Variants in ESCO2 observed in about 807,000 individuals in gnomAD.
The protein encoded by ESCO2 is N-acetyltransferase ESCO2.
A neutral mutation model predicts 61.7 loss-of-function variants in ESCO2; 51 were observed. The ratio of observed to expected loss-of-function variants is 0.83; its 90% confidence interval spans 0.66 to 1.04. The LOEUF (loss-of-function observed/expected upper bound fraction) is 1.04, where lower values mean the gene tolerates loss of function less well. Among genes scored for constraint, ESCO2 ranks in the 50% least tolerant of loss-of-function variants. The pLI, the probability that ESCO2 is intolerant of heterozygous loss-of-function variation, is 0.00. For synonymous variants in ESCO2, 230 were observed against 238.2 expected (o/e 0.97, Z 0.32); for missense variants, 692 against 686.2 (o/e 1.01, Z -0.09).
At position 27,774,575 on chromosome 8, in the gene ESCO2, G is replaced by A. The variant is rs1344456521; in HGVS notation, c.-49G>A. 2.0e-5 allele frequency: 3 copies of A among 152,282 alleles called. No individual in the cohort carries two copies. The highest frequency in any genetic ancestry group is 7.2e-5 in the African/African-American group (3 of 41,394). The allele number at this position is 152,282 out of a possible 1,614,324, so 9.4% of individuals were successfully genotyped here. The stretch of plus-strand genomic sequence containing the variant: ...AGACGCTCACGGAGCGGCTGGCTAG[G>A]CTGAGGAGAGCTCGCCGGGCTCTGA... On this transcript the variant is annotated 5_prime_UTR_variant, in exon 1 of 11. Coordinates refer to ENST00000305188, the MANE Select transcript of ESCO2 (RefSeq NM_001017420.3).
Position 27,804,189 on chromosome 8 carries a change from A to T in ESCO2, c.*751A>T. Reference sequence around the variant, plus strand: ...TCTGTAGAGCAGAATTTGATAGCTTAGTGTTCAATCTTTTTGAAAATAAAT... The same window carrying T: ...TCTGTAGAGCAGAATTTGATAGCTTTGTGTTCAATCTTTTTGAAAATAAAT... On this transcript the variant is annotated 3_prime_UTR_variant, in exon 11 of 11. Transcript: ENST00000305188. 1 of 985,404 alleles carries T rather than the reference A, an allele frequency of 1.0e-6. No individual in the cohort carries two copies. Among genetic ancestry groups the T allele is most frequent in the African/African-American group, 1.7e-5 (1 of 57,380 alleles). The allele number at this position is 985,404 out of a possible 1,614,324, so 61.0% of individuals were successfully genotyped here. A position where few individuals can be genotyped will look rare whatever the true frequency, so the allele number is the denominator to read the frequency against.
chr8:27,787,762 C>A (rs1805078555), intron 5 of ESCO2, 123 bp from the exon 6 acceptor site: 2 of 730,304 alleles, frequency 2.7e-6, no homozygotes, highest in East Asian at 2.6e-5. Flanking sequence ...CTTATTACTT[C>A]ATCAAGTTAA....
downstream of ESCO2, among the ~76,000 whole-genome samples, chr8:27,813,394 TGGC>T (rs1408849809): frequency 9.5e-3 from 1,442 of 152,258 alleles, 25 homozygotes; most frequent in African/African-American, 0.032. Flanking sequence ...CAAACCAACA[TGGC>T]ACATGTATAC....
chr8:27,792,613 A>G (rs1805202038), intron 8 of ESCO2, 55 bp from the exon 9 acceptor site: 9 of 1,534,206 alleles, frequency 5.9e-6, no homozygotes, highest in Middle Eastern at 2.3e-4. Flanking sequence ...AAATATGTAT[A>G]GTTTCTATTG....
intron 5 of ESCO2, among the ~76,000 whole-genome samples, chr8:27,784,340 A>G (rs566324840): frequency 2.5e-4 from 38 of 152,282 alleles, no homozygotes; most frequent in Admixed American, 6.5e-4. Context: ...TTTTATATCT[A>G]TTATCTTAAT....
rs767846409 is a variant in ESCO2, at chr8:27,776,370, A to C, written c.62A>C (p.His21Pro). The C allele has an allele frequency of 3.1e-6, 5 of 1,604,130 alleles. No homozygotes were observed. Among genetic ancestry groups the C allele is most frequent in the Admixed American group, 1.7e-5 (1 of 58,900 alleles). ...QDSLKCDSLLHFTENLFPSPN... is the reference protein window; with the variant it reads ...QDSLKCDSLLPFTENLFPSPN... ...TTTGTTTCTTTTTATAGCCTTTTAC[A>C]CTTCACTGAAAATCTGTTTCCATCA... The change falls in exon 3 of 11, where the codon CAC (histidine) becomes CCC (proline). Residue 21 changes from histidine (H) to proline (P), a missense_variant. Coordinates refer to ENST00000305188, the MANE Select transcript of ESCO2 (RefSeq NM_001017420.3).
At chr8:27,802,647 A>G (rs1445135540) in intron 10 of ESCO2, among the ~76,000 whole-genome samples, 1 of 75,346 alleles carries the variant, frequency 1.3e-5, no homozygotes, top group Non-Finnish European at 2.5e-5. Flanking sequence ...ATATATATAT[A>G]TATATATATT....
chr8:27,803,704 C>T lies in ESCO2; in HGVS notation c.*266C>T, dbSNP rs1805505685. 13 of 1,219,164 alleles carry T rather than the reference C, an allele frequency of 1.1e-5. No homozygotes were observed. The highest frequency in any genetic ancestry group is 8.6e-5 in the South Asian group (4 of 46,282). The allele number at this position is 1,219,164 out of a possible 1,614,324, so 75.5% of individuals were successfully genotyped here. On this transcript the variant is annotated 3_prime_UTR_variant, in exon 11 of 11. Coordinates refer to ENST00000305188, the MANE Select transcript of ESCO2 (RefSeq NM_001017420.3). ...GCACTCTGAATGTTTAATTATGAAA[C>T]TTTGTAGCTATAACTGGAAAATTAC...
chr8:27,787,701 T>A (rs899878640), intron 5 of ESCO2, among the ~76,000 whole-genome samples, 184 bp from the exon 6 acceptor site: 2 of 152,166 alleles, frequency 1.3e-5, no homozygotes, highest in Admixed American at 6.5e-5. Flanking sequence ...TTACCTTGAG[T>A]AAATTACTGA....
downstream of ESCO2, chr8:27,810,142 A>G: frequency 3.3e-6 from 2 of 597,184 alleles, no homozygotes; most frequent in Non-Finnish European, 2.9e-6. Context: ...CTTATAGCCA[A>G]TATAAGCATA....
At position 27,801,415 on chromosome 8, in the gene ESCO2, C is replaced by T. The variant is rs1047646734; in HGVS notation, c.1673+1699C>T. The stretch of plus-strand genomic sequence containing the variant: ...TAAATGCCAACACCATTATGGGGAC[C>T]GGATCTTGGGCCATAAATCCTAGTC... On this transcript the variant is annotated intron_variant, in intron 10 of 10. Coordinates refer to ENST00000305188, the MANE Select transcript of ESCO2 (RefSeq NM_001017420.3). 3.9e-5 allele frequency among the ~76,000 whole-genome samples: 6 copies of T among 152,062 alleles called. No homozygotes were observed. In the East Asian group the frequency reaches 5.8e-4, roughly 15 times the overall value.
chr8:27,784,168 C>T (rs747500047), intron 5 of ESCO2, 111 bp downstream of exon 5: 4 of 940,530 alleles, frequency 4.3e-6, no homozygotes, highest in Non-Finnish European at 6.7e-6. Context: ...TTCTTCCTCA[C>T]TAAGGGGAAT....
intron 9 of ESCO2, among the ~76,000 whole-genome samples, chr8:27,798,738 G>C (rs1203792341): frequency 6.6e-6 from 1 of 152,140 alleles, no homozygotes; most frequent in East Asian, 1.9e-4. Context: ...ATGAGTCTCA[G>C]GGGCATTATG....
intron 9 of ESCO2, among the ~76,000 whole-genome samples, chr8:27,795,014 T>C (rs376221962): frequency 1.3e-5 from 2 of 152,192 alleles, no homozygotes; most frequent in Non-Finnish European, 1.5e-5. Context: ...GAATCTCTTA[T>C]GGTTCCACAA....
upstream of ESCO2, chr8:27,772,620 G>C: frequency 7.0e-6 from 10 of 1,429,240 alleles, no homozygotes; most frequent in Non-Finnish European, 9.6e-6. Context: ...GACTCGCGGC[G>C]GCCGCCTGGC....
chr8:27,775,998 G>C (rs2128950905), intron 2 of ESCO2, among the ~76,000 whole-genome samples: 1 of 152,208 alleles, frequency 6.6e-6, no homozygotes, highest in South Asian at 2.1e-4. Context: ...AAGCCCCAGG[G>C]GGTCAGTTCA....
downstream of ESCO2, among the ~76,000 whole-genome samples, chr8:27,814,722 A>G (rs992215360): frequency 4.6e-5 from 7 of 152,108 alleles, no homozygotes; most frequent in African/African-American, 1.7e-4. Flanking sequence ...TATTCAAAAC[A>G]TTTTCCAATT....
chr8:27,785,751 GCT>G (rs1482880597), intron 5 of ESCO2, among the ~76,000 whole-genome samples: 3 of 151,378 alleles, frequency 2.0e-5, no homozygotes, highest in Non-Finnish European at 4.4e-5. Flanking sequence ...ATATGATATT[GCT>G]CTTTTTGTAG....
chr8:27,808,536 C>G (rs914417182), downstream of ESCO2, among the ~76,000 whole-genome samples: 3 of 151,342 alleles, frequency 2.0e-5, no homozygotes, highest in Non-Finnish European at 4.4e-5. Context: ...AAAAATTAGC[C>G]AGGTGTGGTG....
Sources: gnomAD v4.1 joint callset for allele counts (sites outside exome capture counted in the v4.1 genomes callset) on GRCh38, gnomAD v4.1.1 for gene constraint, MANE v1.5 for transcripts, NCBI Gene and HGNC (gene_info 2026-07-23, HGNC 2026-07-21) for gene names.